The following LINGO2 variants were observed in gnomAD, a reference collection of about 807,000 sequenced individuals.
LINGO2 encodes leucine-rich repeat and immunoglobulin-like domain-containing nogo receptor-interacting protein 2.
LINGO2 carries 14 observed loss-of-function variants against 30.6 expected under a neutral mutation model. The observed-to-expected ratio is 0.46, with a 90% confidence interval of 0.30 to 0.72. The LOEUF (loss-of-function observed/expected upper bound fraction) is 0.72. Ranked by LOEUF, LINGO2 falls within the 30% of genes least tolerant of loss-of-function variation. The pLI, the probability that LINGO2 is intolerant of heterozygous loss-of-function variation, is 0.07. For synonymous variants in LINGO2, 317 were observed against 288.5 expected, an observed-to-expected ratio of 1.10 and a Z score of -1.00; for missense variants, 729 against 751.7, an observed-to-expected ratio of 0.97 and a Z score of 0.35.
intron 4 of LINGO2, among the ~76,000 whole-genome samples, chr9:28,235,308 A>T (rs1296839337): frequency 1.3e-5 from 2 of 152,220 alleles, no homozygotes; most frequent in Non-Finnish European, 2.9e-5. Context: ...TAAAAACCAC[A>T]GTATTATTTG....
At chr9:28,473,225 G>A (rs1564222754) in intron 2 of LINGO2, among the ~76,000 whole-genome samples, 1 of 151,764 alleles carries the variant, frequency 6.6e-6, no homozygotes, top group Non-Finnish European at 1.5e-5. Context: ...TCAGCAGAAA[G>A]CTTCTAAGCT....
chr9:28,791,635 C>T, the LINGO2 span, among the ~76,000 whole-genome samples: 4 of 151,780 alleles, frequency 2.6e-5, no homozygotes, highest in Non-Finnish European at 4.4e-5. Flanking sequence ...AAAACTTGTT[C>T]AGAAATGAGA....
intron 4 of LINGO2, among the ~76,000 whole-genome samples, chr9:28,083,597 C>G (rs1825831509): frequency 6.6e-6 from 1 of 152,056 alleles, no homozygotes; most frequent in South Asian, 2.1e-4. Flanking sequence ...TTAGATTTGG[C>G]CACATAATGG....
chr9:28,430,764 T>C (rs1409295694), intron 2 of LINGO2, among the ~76,000 whole-genome samples: 1 of 152,094 alleles, frequency 6.6e-6, no homozygotes, highest in Non-Finnish European at 1.5e-5. Context: ...ACAGTTTCTA[T>C]ATGCCAGGAG....
At chr9:28,322,725 A>AT (rs1016288032) in intron 3 of LINGO2, among the ~76,000 whole-genome samples, 16 of 152,036 alleles carry the variant, frequency 1.1e-4, no homozygotes, top group African/African-American at 2.4e-4. Context: ...TGCTTTTCTA[A>AT]TTTTTTTTAG....
intron 2 of LINGO2, among the ~76,000 whole-genome samples, chr9:28,422,844 T>C (rs1823256963): frequency 6.6e-6 from 1 of 151,864 alleles, no homozygotes; most frequent in African/African-American, 2.4e-5. Context: ...TCAGGAAAAA[T>C]AAAAAGGAAG....
At chr9:27,948,731 C>A in exon 6 of LINGO2, 1 of 1,197,162 alleles carries the variant, frequency 8.4e-7, no homozygotes, top group Non-Finnish European at 1.2e-6. Context: ...TTCCATAGAC[C>A]CTGCTTTTGA....
intron 2 of LINGO2, among the ~76,000 whole-genome samples, chr9:28,407,743 C>T (rs1333273550): frequency 1.3e-5 from 2 of 152,096 alleles, no homozygotes; most frequent in African/African-American, 4.8e-5. Flanking sequence ...TCATTAAAAT[C>T]AACTGTTAAC....
chr9:28,599,712 C>T (rs1205184871), intron 1 of LINGO2, among the ~76,000 whole-genome samples: 2 of 151,976 alleles, frequency 1.3e-5, no homozygotes. Context: ...ATTGTTTACC[C>T]AATTATTAGT....
the LINGO2 span, among the ~76,000 whole-genome samples, chr9:28,956,393 A>C: frequency 5.1e-3 from 780 of 152,204 alleles, 5 homozygotes; most frequent in African/African-American, 0.018. Flanking sequence ...TAAAAACTTA[A>C]AACTGTACTC....
intron 4 of LINGO2, among the ~76,000 whole-genome samples, chr9:28,272,430 A>C (rs1021713712): frequency 2.0e-5 from 3 of 151,806 alleles, no homozygotes; most frequent in African/African-American, 7.3e-5. Context: ...TGCAGCTGCT[A>C]AATCTCCCAT....
At chr9:29,080,909 A>G in the LINGO2 span, among the ~76,000 whole-genome samples, 1 of 152,082 alleles carries the variant, frequency 6.6e-6, no homozygotes, top group East Asian at 1.9e-4. Context: ...TGGTTCTGAG[A>G]AGACTGTATA....
At chr9:28,043,049 T>G (rs1208796390) in intron 4 of LINGO2, among the ~76,000 whole-genome samples, 1 of 152,220 alleles carries the variant, frequency 6.6e-6, no homozygotes, top group Non-Finnish European at 1.5e-5. Context: ...CTAGATAGGA[T>G]GCACAGGCAA....
At chr9:29,082,452 C>T in the LINGO2 span, among the ~76,000 whole-genome samples, 30,041 of 151,984 alleles carry the variant, frequency 0.2, 3,111 homozygotes, top group African/African-American at 0.24. Context: ...AAGACTTAAA[C>T]GTTAGACCAA....
the LINGO2 span, among the ~76,000 whole-genome samples, chr9:29,209,439 T>C: frequency 1.1e-4 from 16 of 152,146 alleles, no homozygotes; most frequent in African/African-American, 3.6e-4. Flanking sequence ...GGACTGACCA[T>C]TATAAAGTAA....
chr9:28,643,976 C>T (rs368284322), intron 1 of LINGO2, among the ~76,000 whole-genome samples: 54 of 151,988 alleles, frequency 3.6e-4, no homozygotes, highest in African/African-American at 1.0e-3. Flanking sequence ...GCCAAAACTC[C>T]GATAAGATAG....
the LINGO2 span, among the ~76,000 whole-genome samples, chr9:29,154,449 CAA>C: frequency 1.9e-3 from 177 of 95,464 alleles, 1 homozygote; most frequent in Admixed American, 0.012. Context: ...GACTCCGTCT[CAA>C]AAAAAAAAAA....
intron 5 of LINGO2, among the ~76,000 whole-genome samples, chr9:27,964,329 T>C (rs993137796): frequency 2.6e-5 from 4 of 152,160 alleles, no homozygotes; most frequent in African/African-American, 9.6e-5. Context: ...TTACTCACTA[T>C]TGTAAATACC....
chr9:28,164,882 G>T (rs1227352977), intron 4 of LINGO2, among the ~76,000 whole-genome samples: 1 of 152,074 alleles, frequency 6.6e-6, no homozygotes, highest in African/African-American at 2.4e-5. Flanking sequence ...TTTGCACACC[G>T]ATAAAGGGTT....
Sources: gnomAD v4.1 joint callset for allele counts (sites outside exome capture counted in the v4.1 genomes callset) on GRCh38, gnomAD v4.1.1 for gene constraint, MANE v1.5 for transcripts, NCBI Gene and HGNC (gene_info 2026-07-23, HGNC 2026-07-21) for gene names.